Variants in HERC1 observed in about 807,000 individuals in gnomAD.
The protein encoded by HERC1 is HECT and RLD domain containing E3 ubiquitin protein ligase family member 1, also known as probable E3 ubiquitin-protein ligase HERC1.
HERC1 carries 160 observed loss-of-function variants against 554.3 expected under a neutral mutation model. That is an observed-to-expected ratio of 0.29 (90% confidence interval 0.25 to 0.33). HERC1 has a LOEUF of 0.33. Ranked by LOEUF, HERC1 falls within the 10% of genes least tolerant of loss-of-function variation. The probability of loss-of-function intolerance (pLI) is 1.00; values close to 1 mark genes in which losing one functional copy is unlikely to be tolerated. For missense variants in HERC1, 4,919 were observed against 5,918.5 expected (o/e 0.83, Z 5.54); for synonymous variants, 2,175 against 2,131.7 (o/e 1.02, Z -0.56).
intron 27 of HERC1, 46 bp downstream of exon 27, chr15:63,696,078 G>T (rs763477521): frequency 2.2e-6 from 3 of 1,378,916 alleles, no homozygotes; most frequent in Non-Finnish European, 3.1e-6. Context: ...AAGTGGCTTT[G>T]TAAAATGACA....
At position 63,806,901 on chromosome 15, in the gene HERC1, C is replaced by T. The variant is rs192571107; in HGVS notation, c.-27+26926G>A. 3.8e-3 allele frequency among the ~76,000 whole-genome samples: 580 copies of T among 152,346 alleles called. 3 individuals carry two copies. Among genetic ancestry groups the T allele is most frequent in the African/African-American group, 0.013 (561 of 41,570 alleles). On this transcript the variant is annotated intron_variant, in intron 1 of 77. Transcript: ENST00000443617. ...CAGCTGGGATTACAGGCATGCGCCA[C>T]CGCGCCCGGCTAAGTTTTATATTTT...
intron 1 of HERC1, among the ~76,000 whole-genome samples, chr15:63,807,708 T>C (rs1327598344): frequency 6.6e-6 from 1 of 152,008 alleles, no homozygotes; most frequent in African/African-American, 2.4e-5. Flanking sequence ...CACACCACAC[T>C]CCCCAACTGT....
chr15:63,742,555 G>C (rs1457398953), intron 12 of HERC1, among the ~76,000 whole-genome samples: 1 of 152,092 alleles, frequency 6.6e-6, no homozygotes, highest in African/African-American at 2.4e-5. Context: ...CCTGATCTTA[G>C]GGGGAAGGTT....
chr15:63,736,220 T>C (rs764405722), intron 12 of HERC1, among the ~76,000 whole-genome samples: 31 of 152,350 alleles, frequency 2.0e-4, no homozygotes, highest in Middle Eastern at 3.4e-3. Flanking sequence ...GAGGCTCATA[T>C]ACTTCTGCAA....
chr15:63,787,077 A>C (rs180686628), intron 1 of HERC1, among the ~76,000 whole-genome samples: 2 of 151,870 alleles, frequency 1.3e-5, no homozygotes, highest in African/African-American at 4.8e-5. Context: ...CCTGACCTCA[A>C]GTGATCTGCC....
At chr15:63,634,976 T>A in intron 65 of HERC1, 88 bp from the exon 66 acceptor site, 2 of 900,972 alleles carry the variant, frequency 2.2e-6, no homozygotes, top group Non-Finnish European at 1.7e-6. Flanking sequence ...AATATAGCAA[T>A]AAACTTTACA....
At chr15:63,708,688 A>C (rs991606924) in intron 24 of HERC1, among the ~76,000 whole-genome samples, 14 of 152,250 alleles carry the variant, frequency 9.2e-5, no homozygotes, top group African/African-American at 3.4e-4. Context: ...AAAGTAGTTA[A>C]CTTCTAACAT....
rs1414462673 is a variant in HERC1 at position 63,746,983 on chromosome 15, C to A, written c.2455G>T (p.Ala819Ser). ...AAGAGCAAATTTCGAAGTGGACCTG[C>A]CTGCCTCCCGAGAATGCTGGTAGCT... ...GVATSILGRQ[A>S]GPLRNLLFRL... Residue 819 changes from alanine (A) to serine (S), a missense_variant, in exon 12 of 78, where the codon GCA becomes TCA. This residue lies in a region of HERC1 where 744 missense variants were observed against 1,090.0 expected (regional missense o/e 0.68). Transcript: ENST00000443617. The A allele has an allele frequency of 1.9e-6, 3 of 1,564,034 alleles. No individual in the cohort carries two copies. Among genetic ancestry groups the A allele is most frequent in the Non-Finnish European group, 2.6e-6 (3 of 1,154,380 alleles).
At chr15:63,739,739 G>A (rs1222535701) in intron 12 of HERC1, among the ~76,000 whole-genome samples, 1 of 151,906 alleles carries the variant, frequency 6.6e-6, no homozygotes, top group Non-Finnish European at 1.5e-5. Context: ...CTCGGGAGGC[G>A]AGGCAGGATA....
At chr15:63,714,403 C>T (rs2073442216) in intron 22 of HERC1, among the ~76,000 whole-genome samples, 1 of 152,104 alleles carries the variant, frequency 6.6e-6, no homozygotes, top group African/African-American at 2.4e-5. Context: ...GATGGCATCA[C>T]CAGGAATACC....
At chr15:63,653,708 C>A (rs556371763) in intron 51 of HERC1, among the ~76,000 whole-genome samples, 132 of 152,244 alleles carry the variant, frequency 8.7e-4, no homozygotes, top group African/African-American at 3.0e-3. Context: ...AATGTAAATA[C>A]TATGTAAACA....
intron 1 of HERC1, among the ~76,000 whole-genome samples, chr15:63,807,488 T>C (rs554837481): frequency 6.6e-6 from 1 of 152,144 alleles, no homozygotes; most frequent in Non-Finnish European, 1.5e-5. Flanking sequence ...CCCTCAGACT[T>C]AAAAGTGTAC....
chr15:63,758,406 A>G lies in HERC1; in HGVS notation c.1027-37T>C. On this transcript the variant is annotated intron_variant, in intron 3 of 77. Coordinates refer to ENST00000443617, the MANE Select transcript of HERC1 (RefSeq NM_003922.4). This position sits in a 1 kb window ranked among gnomAD's most constrained non-coding sequence, Gnocchi z 4.0. ...TTAAAATATGCAACAAATAGTCAAG[A>G]CAGTTTTAGTCTGGGCATTTTTTAT... The G allele has an allele frequency of 6.7e-7, 1 of 1,488,802 alleles. No homozygotes were observed. The highest frequency in any genetic ancestry group is 9.2e-7 in the Non-Finnish European group (1 of 1,090,334). 92.2% of individuals were successfully genotyped at this position (1,488,802 alleles called of 1,614,324 possible).
At chr15:63,714,350 G>A (rs2073439499) in intron 22 of HERC1, among the ~76,000 whole-genome samples, 1 of 152,070 alleles carries the variant, frequency 6.6e-6, no homozygotes, top group Non-Finnish European at 1.5e-5. Flanking sequence ...TGCTGAAACA[G>A]AATTTAGTTT....
rs573648232 is a variant in HERC1, at chr15:63,720,103, C to CT, written c.3743-1207dup. On this transcript the variant is annotated intron_variant, in intron 19 of 77. Coordinates refer to ENST00000443617, the MANE Select transcript of HERC1 (RefSeq NM_003922.4). The stretch of plus-strand genomic sequence containing the variant: ...GGACTAGTCAGGTGCTTTTTCTTCC[C>CT]TTTTTTTTTTTTTTTAAGAGACAGG... 4.8e-3 allele frequency among the ~76,000 whole-genome samples: 344 copies of CT among 71,596 alleles called. 44 individuals carry two copies. Among genetic ancestry groups the CT allele is most frequent in the South Asian group, 0.02 (47 of 2,356 alleles). 47.0% of individuals were successfully genotyped at this position (71,596 alleles called of 152,430 possible). A position where few individuals can be genotyped will look rare whatever the true frequency, so the allele number is the denominator to read the frequency against.
intron 12 of HERC1, among the ~76,000 whole-genome samples, chr15:63,739,951 C>T (rs1301769276): frequency 1.3e-5 from 2 of 151,818 alleles, no homozygotes; most frequent in Non-Finnish European, 1.5e-5. Flanking sequence ...CACTCTGTTG[C>T]CCAGGCTAGC....
chr15:63,807,967 A>C (rs1200261858), intron 1 of HERC1, among the ~76,000 whole-genome samples: 1 of 152,182 alleles, frequency 6.6e-6, no homozygotes, highest in Non-Finnish European at 1.5e-5. Flanking sequence ...ATCTGTCACA[A>C]GGAACTACTT....
intron 76 of HERC1, among the ~76,000 whole-genome samples, chr15:63,613,344 A>G (rs4283174): frequency 0.81 from 123,349 of 152,158 alleles, 51,858 homozygotes; most frequent in Non-Finnish European, 0.88. Context: ...AGTGCCAAGT[A>G]GGGTGCAACC....
chr15:63,650,625 A>C (rs1255293556), intron 53 of HERC1, among the ~76,000 whole-genome samples: 1 of 152,146 alleles, frequency 6.6e-6, no homozygotes, highest in Non-Finnish European at 1.5e-5. Context: ...GTTATAGAAG[A>C]GAGTGTAAAG....
Sources: allele counts gnomAD v4.1 joint callset (sites outside exome capture counted in the v4.1 genomes callset), GRCh38; gene constraint gnomAD v4.1.1; regional missense constraint gnomAD v4.1.1; non-coding constraint Gnocchi (gnomAD v3.1); transcripts MANE v1.5; gene names NCBI Gene and HGNC (gene_info 2026-07-23, HGNC 2026-07-21).